Variants in ZNF148 observed in about 807,000 individuals in gnomAD.
ZNF148 encodes the protein Beta-Enolase Repressor Factor-1.
ZNF148 carries 7 observed loss-of-function variants against 67.7 expected under a neutral mutation model. That is an observed-to-expected ratio of 0.10 (90% CI 0.06 to 0.19). The LOEUF (loss-of-function observed/expected upper bound fraction) is 0.19. Among genes scored for constraint, ZNF148 ranks in the 10% least tolerant of loss-of-function variants. ZNF148 has a pLI of 1.00. For synonymous variants in ZNF148, 333 were observed against 330.7 expected, an observed-to-expected ratio of 1.01 and a Z score of -0.08; for missense variants, 583 against 947.1, an observed-to-expected ratio of 0.62 and a Z score of 5.05.
At position 125,233,964 on chromosome 3, in the gene ZNF148, G is replaced by C. The variant is rs1200424314; in HGVS notation, c.787-25C>G. ...ACTGTTGAATTCAGAGGATGGTAGTGGGTTGTTTGTGGTTTTGGTCAACCA... is the reference window on the plus strand; with the variant it reads ...ACTGTTGAATTCAGAGGATGGTAGTCGGTTGTTTGTGGTTTTGGTCAACCA... On this transcript the variant is annotated intron_variant, in intron 8 of 8. Coordinates refer to ENST00000360647, the MANE Select transcript of ZNF148 (RefSeq NM_021964.3). This position sits in a 1 kb window ranked among gnomAD's most constrained non-coding sequence, Gnocchi z 5.1. 6.5e-7 allele frequency: 1 copy of C among 1,547,080 alleles called. No individual in the cohort carries two copies. Among genetic ancestry groups the C allele is most frequent in the Non-Finnish European group, 8.6e-7 (1 of 1,156,258 alleles).
At chr3:125,355,463 CT>C (rs1203353534) in intron 1 of ZNF148, among the ~76,000 whole-genome samples, 1 of 152,164 alleles carries the variant, frequency 6.6e-6, no homozygotes, top group African/African-American at 2.4e-5. Flanking sequence ...AAAATCACCT[CT>C]GGTTTGAGAA....
intron 7 of ZNF148, among the ~76,000 whole-genome samples, chr3:125,267,752 A>G (rs1381419500): frequency 6.6e-6 from 1 of 152,222 alleles, no homozygotes; most frequent in Non-Finnish European, 1.5e-5. Context: ...GGAAAGAAAT[A>G]AAAGACATCC....
chr3:125,336,532 G>A (rs992626898), intron 1 of ZNF148, among the ~76,000 whole-genome samples: 4 of 151,612 alleles, frequency 2.6e-5, no homozygotes, highest in African/African-American at 9.7e-5. Context: ...TAAATTTAAA[G>A]TTATTAAGAT....
intron 7 of ZNF148, among the ~76,000 whole-genome samples, chr3:125,250,596 C>T (rs1005860028): frequency 6.6e-6 from 1 of 152,158 alleles, no homozygotes; most frequent in Non-Finnish European, 1.5e-5. Context: ...AAATGGCACC[C>T]CAGTCATTAA....
intron 1 of ZNF148, among the ~76,000 whole-genome samples, chr3:125,364,622 A>G (rs574903795): frequency 1.4e-5 from 2 of 144,804 alleles, no homozygotes; most frequent in South Asian, 2.2e-4. Flanking sequence ...ACACAACACT[A>G]CTCTGTTATG....
chr3:125,241,847 A>G (rs1320216671), intron 7 of ZNF148, among the ~76,000 whole-genome samples: 1 of 152,240 alleles, frequency 6.6e-6, no homozygotes, highest in African/African-American at 2.4e-5. Flanking sequence ...TCCACAGGAA[A>G]TGCTATGAAT....
intron 4 of ZNF148, among the ~76,000 whole-genome samples, chr3:125,312,482 G>A (rs1439230527): frequency 6.6e-6 from 1 of 152,164 alleles, no homozygotes; most frequent in Non-Finnish European, 1.5e-5. Context: ...ATCCATCAGA[G>A]AAGCATCGTA....
In ZNF148 at chr3:125,232,233, A is replaced by ATT; in HGVS notation, c.*106_*107dup. ...GCTATTCATATCAGCTTAACTTGTT[A>ATT]TTACGCATTGCTCTTAAATCTGTAC... On this transcript the variant is annotated 3_prime_UTR_variant, in exon 9 of 9. Transcript: ENST00000360647. This position sits in a 1 kb window ranked among gnomAD's most constrained non-coding sequence, Gnocchi z 4.2. 7.8e-7 allele frequency: 1 copy of ATT among 1,282,560 alleles called. No homozygotes were observed. Among genetic ancestry groups the ATT allele is most frequent in the Non-Finnish European group, 1.0e-6 (1 of 958,770 alleles). The allele number at this position is 1,282,560 out of a possible 1,614,324, so 79.4% of individuals were successfully genotyped here.
chr3:125,274,995 T>C (rs774821581), intron 7 of ZNF148, among the ~76,000 whole-genome samples: 6 of 151,970 alleles, frequency 3.9e-5, no homozygotes, highest in Non-Finnish European at 8.8e-5. Flanking sequence ...ACTTAGAAAA[T>C]GAAAGGAAGA....
At chr3:125,278,963 G>C (rs1204132106) in intron 6 of ZNF148, among the ~76,000 whole-genome samples, 161 bp downstream of exon 6, 1 of 152,100 alleles carries the variant, frequency 6.6e-6, no homozygotes, top group Non-Finnish European at 1.5e-5. Flanking sequence ...TCTCACTTAA[G>C]AGTTTTTCCT....
intron 1 of ZNF148, among the ~76,000 whole-genome samples, chr3:125,374,862 A>C (rs1579935990): frequency 2.1e-4 from 26 of 126,196 alleles, no homozygotes; most frequent in South Asian, 8.5e-4. Context: ...CGCCTCCGCC[A>C]CCCCCGTCAT....
chr3:125,262,554 T>G (rs555484548), intron 7 of ZNF148, among the ~76,000 whole-genome samples: 1 of 152,372 alleles, frequency 6.6e-6, no homozygotes, highest in East Asian at 1.9e-4. Flanking sequence ...ATATAAACAC[T>G]GGTTTCCCTT....
intron 1 of ZNF148, among the ~76,000 whole-genome samples, chr3:125,346,777 T>C (rs1029826753): frequency 6.6e-6 from 1 of 152,200 alleles, no homozygotes; most frequent in African/African-American, 2.4e-5. Flanking sequence ...ATTAAACCTC[T>C]TTATAAATTA....
chr3:125,325,829 T>C (rs1331081663), intron 2 of ZNF148, among the ~76,000 whole-genome samples: 3 of 152,080 alleles, frequency 2.0e-5, no homozygotes, highest in African/African-American at 7.2e-5. Flanking sequence ...GCACAATGAA[T>C]TTCAAGTAGG....
intron 7 of ZNF148, among the ~76,000 whole-genome samples, chr3:125,241,113 A>G (rs1936333730): frequency 6.6e-6 from 1 of 151,210 alleles, no homozygotes; most frequent in South Asian, 2.1e-4. Context: ...GCCATTCTAG[A>G]TATTTTTAAA....
At position 125,233,866 on chromosome 3, in the gene ZNF148, C is replaced by G. The variant is rs1053737; in HGVS notation, c.860G>C (p.Arg287Thr). 6.2e-7 allele frequency: 1 copy of G among 1,613,006 alleles called. No homozygotes were observed. Among genetic ancestry groups the G allele is most frequent in the Non-Finnish European group, 8.5e-7 (1 of 1,179,770 alleles). The change falls in exon 9 of 9, where the codon AGA (arginine) becomes ACA (threonine). Residue 287 changes from arginine (R) to threonine (T), a missense_variant. Physicochemically the swap from Arg to Thr is moderately conservative, Grantham distance 71. Coordinates refer to ENST00000360647, the MANE Select transcript of ZNF148 (RefSeq NM_021964.3). This position sits in a 1 kb window ranked among gnomAD's most constrained non-coding sequence, Gnocchi z 5.1. ...CHENHDKKLNRCAIKGGLLTS... is the reference protein window; with the variant it reads ...CHENHDKKLNTCAIKGGLLTS... ...CAGAAGGCCACCTTTGATGGCACAT[C>G]TATTTAGTTTTTTGTCATGATTTTC...
rs1939507615 is a variant in ZNF148, at chr3:125,300,104, T to C, written c.334-11876A>G. ...CTCGTGCCTCAGCCTCCTGAGTAGC[T>C]GGGATTACAGGCGCCCACCACCATG... On this transcript the variant is annotated intron_variant, in intron 4 of 8. Transcript: ENST00000360647. 3.3e-5 allele frequency among the ~76,000 whole-genome samples: 5 copies of C among 152,252 alleles called. No individual in the cohort carries two copies. The South Asian group carries it at 8.3e-4, about 25-fold the overall frequency.
intron 1 of ZNF148, among the ~76,000 whole-genome samples, chr3:125,369,397 A>AG (rs548770949): frequency 4.7e-5 from 7 of 148,808 alleles, no homozygotes; most frequent in Middle Eastern, 3.4e-3. Flanking sequence ...AAAAAAAAAA[A>AG]AAAAAAAAAA....
At chr3:125,352,749 A>G (rs1007874759) in intron 1 of ZNF148, among the ~76,000 whole-genome samples, 4 of 151,898 alleles carry the variant, frequency 2.6e-5, no homozygotes, top group East Asian at 3.9e-4. Context: ...TTTTTTGTAG[A>G]TACAGATGTG....
Sources: gnomAD v4.1 joint callset for allele counts (sites outside exome capture counted in the v4.1 genomes callset) on GRCh38, gnomAD v4.1.1 for gene constraint, Gnocchi (gnomAD v3.1) non-coding constraint, MANE v1.5 for transcripts, NCBI Gene and HGNC (gene_info 2026-07-23, HGNC 2026-07-21) for gene names.